SLC36A1: variants seen among roughly 807,000 people sequenced by gnomAD.
SLC36A1 encodes solute carrier family 36 member 1.
A neutral mutation model predicts 47.5 loss-of-function variants in SLC36A1; 30 were observed. That is an observed-to-expected ratio of 0.63 (90% confidence interval 0.47 to 0.86). The LOEUF (loss-of-function observed/expected upper bound fraction) is 0.86, where lower values mean the gene tolerates loss of function less well. Ranked by LOEUF, SLC36A1 falls within the 40% of genes least tolerant of loss-of-function variation. SLC36A1 has a pLI of 0.00. For synonymous variants in SLC36A1, 255 were observed against 249.7 expected (o/e 1.02, Z -0.20); for missense variants, 517 against 606.0 (o/e 0.85, Z 1.54).
the SLC36A1 span, among the ~76,000 whole-genome samples, chr5:151,372,595 C>T: frequency 6.6e-6 from 1 of 152,078 alleles, no homozygotes; most frequent in Non-Finnish European, 1.5e-5. Context: ...AGGTGCATGT[C>T]ACCACGCCCA....
chr5:151,417,685 T>C, the SLC36A1 span, among the ~76,000 whole-genome samples: 2 of 148,498 alleles, frequency 1.3e-5, no homozygotes, highest in Admixed American at 6.7e-5. Context: ...TTGAAACTTA[T>C]ATTTAAAAGG....
intron 1 of SLC36A1, among the ~76,000 whole-genome samples, chr5:151,451,478 A>G (rs1453675146): frequency 6.6e-6 from 1 of 152,178 alleles, no homozygotes; most frequent in Non-Finnish European, 1.5e-5. Context: ...ACCATCTCCA[A>G]GGTAGGGACC....
chr5:151,370,938 A>G, the SLC36A1 span, among the ~76,000 whole-genome samples: 1 of 152,214 alleles, frequency 6.6e-6, no homozygotes, highest in Non-Finnish European at 1.5e-5. Flanking sequence ...GGTTGCAGTG[A>G]GCCAAGATCG....
At chr5:151,535,763 G>C in the SLC36A1 span, among the ~76,000 whole-genome samples, 3 of 152,274 alleles carry the variant, frequency 2.0e-5, no homozygotes, top group South Asian at 6.2e-4. Flanking sequence ...TGTGGACAGA[G>C]CCCTAAACCC....
chr5:151,398,073 G>A, the SLC36A1 span, among the ~76,000 whole-genome samples: 1 of 152,082 alleles, frequency 6.6e-6, no homozygotes, highest in Non-Finnish European at 1.5e-5. Context: ...AGCCAAAGTC[G>A]CACCACTGCA....
At chr5:151,420,959 C>T in the SLC36A1 span, among the ~76,000 whole-genome samples, 1 of 151,276 alleles carries the variant, frequency 6.6e-6, no homozygotes, top group African/African-American at 2.4e-5. Flanking sequence ...CAAGCTCCTT[C>T]TCCCAGGTTC....
the SLC36A1 span, chr5:151,527,944 A>G: frequency 6.3e-7 from 1 of 1,593,650 alleles, no homozygotes; most frequent in South Asian, 1.1e-5. Flanking sequence ...CTGCAGTGGG[A>G]CTGTGTCTCT....
At chr5:151,389,239 T>C in the SLC36A1 span, among the ~76,000 whole-genome samples, 1 of 152,108 alleles carries the variant, frequency 6.6e-6, no homozygotes, top group Admixed American at 6.5e-5. Flanking sequence ...AAGCATGCAA[T>C]ACACCTTCAA....
At chr5:151,407,020 A>C in the SLC36A1 span, among the ~76,000 whole-genome samples, 1 of 150,514 alleles carries the variant, frequency 6.6e-6, no homozygotes, top group Admixed American at 6.6e-5. Flanking sequence ...ACAGCTCTTA[A>C]AGGTGGCGCG....
intron 1 of SLC36A1, among the ~76,000 whole-genome samples, chr5:151,441,187 A>G (rs1043540777): frequency 1.6e-4 from 24 of 152,198 alleles, no homozygotes; most frequent in African/African-American, 5.8e-4. Flanking sequence ...TGTAGTCCCA[A>G]CTACTCAGGA....
chr5:151,457,854 G>GTTT (rs35595732), intron 1 of SLC36A1, among the ~76,000 whole-genome samples: 31,062 of 143,412 alleles, frequency 0.22, 3,839 homozygotes, highest in East Asian at 0.42. Flanking sequence ...TTGTTTGTTT[G>GTTT]TTTTTTTTTT....
At chr5:151,531,882 T>C in the SLC36A1 span, 2 of 1,614,134 alleles carry the variant, frequency 1.2e-6, no homozygotes, top group Non-Finnish European at 8.5e-7. The surrounding 1 kb of genome is among the most constrained non-coding windows in gnomAD (Gnocchi z 5.7). Context: ...GCAGCGGCTT[T>C]TCCAGGCGGA....
the SLC36A1 span, among the ~76,000 whole-genome samples, chr5:151,415,245 AT>A: frequency 6.6e-6 from 1 of 152,090 alleles, no homozygotes; most frequent in Non-Finnish European, 1.5e-5. Context: ...AAGACTATTG[AT>A]TATATTATGT....
At chr5:151,552,161 T>C in the SLC36A1 span, among the ~76,000 whole-genome samples, 1 of 152,108 alleles carries the variant, frequency 6.6e-6, no homozygotes, top group Non-Finnish European at 1.5e-5. Context: ...TCTCACTCTG[T>C]CACCCAGGCT....
At chr5:151,446,360 G>A (rs181103106), upstream of SLC36A1, among the ~76,000 whole-genome samples, 78 of 152,114 alleles carry the variant, frequency 5.1e-4, 1 homozygote, top group African/African-American at 1.8e-3. Context: ...GGTGAACCTC[G>A]TCTCTACTAA....
the SLC36A1 span, chr5:151,546,298 C>A: frequency 1.9e-6 from 3 of 1,613,692 alleles, no homozygotes; most frequent in South Asian, 1.1e-5. Flanking sequence ...AGTAATGATG[C>A]CTAGCAGGGC....
the SLC36A1 span, chr5:151,550,690 C>T: frequency 6.2e-7 from 1 of 1,614,192 alleles, no homozygotes; most frequent in Non-Finnish European, 8.5e-7. Context: ...GAGGCTGGCA[C>T]TTCCTGGGTC....
chr5:151,463,489 C>T (rs1561748086), intron 2 of SLC36A1, 64 bp from the exon 3 acceptor site: 4 of 1,112,590 alleles, frequency 3.6e-6, no homozygotes, highest in East Asian at 2.3e-5. Flanking sequence ...TGCATATAAG[C>T]ACTGAGATCC....
intron 2 of SLC36A1, 141 bp downstream of exon 2, chr5:151,459,076 G>T: frequency 1.1e-6 from 1 of 894,994 alleles, no homozygotes; most frequent in Non-Finnish European, 1.6e-6. Flanking sequence ...GAGTGACTGC[G>T]CTGAGATTTG....
Sources: allele counts gnomAD v4.1 joint callset (sites outside exome capture counted in the v4.1 genomes callset), GRCh38; gene constraint gnomAD v4.1.1; non-coding constraint Gnocchi (gnomAD v3.1); transcripts MANE v1.5; gene names NCBI Gene and HGNC (gene_info 2026-07-23, HGNC 2026-07-21).